Variants in RAP1B observed in about 807,000 individuals in gnomAD.
The protein encoded by RAP1B is RAP1B, member of RAS oncogene family, also known as ras-related protein Rap-1b.
Under a neutral mutation model 27.5 loss-of-function variants are expected in RAP1B, and 1 was observed. That is an observed-to-expected ratio of 0.04 (90% confidence interval 0.01 to 0.17). The LOEUF (loss-of-function observed/expected upper bound fraction) is 0.17, where lower values mean the gene tolerates loss of function less well. RAP1B is among the 10% of genes least tolerant of loss of function. The pLI is 1.00. For missense variants in RAP1B, 84 were observed against 214.8 expected (o/e 0.39, Z 3.81); for synonymous variants, 75 against 73.1 (o/e 1.03, Z -0.13).
At chr12:68,614,085 G>C (rs1870808831) in intron 1 of RAP1B, among the ~76,000 whole-genome samples, 1 of 152,218 alleles carries the variant, frequency 6.6e-6, no homozygotes. Context: ...TCTATGCAAA[G>C]ATTGATAACA....
At chr12:68,636,540 A>G (rs1294410019) in intron 1 of RAP1B, among the ~76,000 whole-genome samples, 1 of 152,064 alleles carries the variant, frequency 6.6e-6, no homozygotes, top group Non-Finnish European at 1.5e-5. Context: ...TGATCCTCCT[A>G]CCTCATTCTT....
chr12:68,665,830 A>G lies in RAP1B; in HGVS notation c.*6581A>G, dbSNP rs998276496. 7 of 151,904 alleles carry G rather than the reference A, an allele frequency of 4.6e-5. No homozygotes were observed. Among genetic ancestry groups the G allele is most frequent in the African/African-American group, 1.7e-4 (7 of 41,410 alleles). 9.4% of individuals were successfully genotyped at this position (151,904 alleles called of 1,614,324 possible). On this transcript the variant is annotated 3_prime_UTR_variant, in exon 8 of 8. Transcript: ENST00000250559. ...TTTCAGAGTCAGTATTGGCAAACTT[A>G]TATTTAAATTCAGCTGTAACAAGAC...
chr12:68,643,883 G>T (rs1873204565), intron 1 of RAP1B, among the ~76,000 whole-genome samples: 1 of 151,868 alleles, frequency 6.6e-6, no homozygotes, highest in South Asian at 2.1e-4. Context: ...AAAAAAATAA[G>T]CAAAAGGAAA....
intron 1 of RAP1B, chr12:68,642,596 T>A: frequency 9.8e-7 from 1 of 1,020,084 alleles, no homozygotes; most frequent in Non-Finnish European, 1.6e-6. Context: ...TTCGTTCAAG[T>A]CCTCAGTGGT....
chr12:68,612,187 G>C (rs1870652196), intron 1 of RAP1B, among the ~76,000 whole-genome samples: 1 of 152,158 alleles, frequency 6.6e-6, no homozygotes, highest in Non-Finnish European at 1.5e-5. Context: ...GGTTTTGCAG[G>C]CAGCATCTCA....
In RAP1B at chr12:68,663,565, G is replaced by A. The variant is rs1458482961; in HGVS notation, c.*4316G>A. On this transcript the variant is annotated 3_prime_UTR_variant, in exon 8 of 8. Coordinates refer to ENST00000250559, the MANE Select transcript of RAP1B (RefSeq NM_001010942.3). The stretch of plus-strand genomic sequence containing the variant: ...ATTAGTTTATCTTTGAAAAGTAAAA[G>A]TAAAGTGCTTATTGCTAAATAGGTC... 1 of 152,170 alleles carries A rather than the reference G, an allele frequency of 6.6e-6. No homozygotes were observed. The allele number at this position is 152,170 out of a possible 1,614,324, so 9.4% of individuals were successfully genotyped here.
chr12:68,625,549 C>G (rs760084484), intron 1 of RAP1B, among the ~76,000 whole-genome samples: 1 of 152,140 alleles, frequency 6.6e-6, no homozygotes, highest in South Asian at 2.1e-4. Context: ...TATTCTGGTC[C>G]TTAAGTTTCA....
rs907840957 is a variant in RAP1B at position 68,626,724 on chromosome 12, G to T, written c.-27+15681G>T. ...GACAGCCCCTAATATTTCTGGTCTC[G>T]GGTAAAGGTCTTAAGGAAGAGGGAA... On this transcript the variant is annotated intron_variant, in intron 1 of 7. Coordinates refer to ENST00000250559, the MANE Select transcript of RAP1B (RefSeq NM_001010942.3). The T allele has an allele frequency of 1.6e-5, 11 of 680,966 alleles. No individual in the cohort carries two copies. The African/African-American group carries it at 1.8e-4, about 11-fold the overall frequency. 42.2% of individuals were successfully genotyped at this position (680,966 alleles called of 1,614,324 possible). A position where few individuals can be genotyped will look rare whatever the true frequency, so the allele number is the denominator to read the frequency against.
rs1225680908 is a variant in RAP1B at position 68,667,684 on chromosome 12, C to G, written c.*8435C>G. ...AACTTACAGTTCCCAGAAGTCAATT[C>G]AGTCATTCTCTATAAGAGCTGTTGT... On this transcript the variant is annotated 3_prime_UTR_variant, in exon 8 of 8. Transcript: ENST00000250559. 1 of 152,204 alleles carries G rather than the reference C, an allele frequency of 6.6e-6. No homozygotes were observed. Among genetic ancestry groups the G allele is most frequent in the Non-Finnish European group, 1.5e-5 (1 of 68,028 alleles). 9.4% of individuals were successfully genotyped at this position (152,204 alleles called of 1,614,324 possible).
intron 1 of RAP1B, among the ~76,000 whole-genome samples, chr12:68,635,646 G>A (rs182710440): frequency 6.6e-6 from 1 of 152,062 alleles, no homozygotes; most frequent in East Asian, 1.9e-4. Context: ...GTAGAGACGG[G>A]GTTTCACCAT....
chr12:68,629,645 T>G (rs191912974), intron 1 of RAP1B, among the ~76,000 whole-genome samples: 5 of 152,338 alleles, frequency 3.3e-5, no homozygotes, highest in African/African-American at 9.6e-5. Context: ...CTTACCTTCT[T>G]GCTGTAGGTT....
intron 1 of RAP1B, 34 bp downstream of exon 1, chr12:68,611,077 G>C (rs1392779347): frequency 4.1e-6 from 1 of 244,442 alleles, no homozygotes; most frequent in African/African-American, 2.4e-5. Context: ...GCTGAGGGAA[G>C]CCGCGGCGGC....
chr12:68,662,590 G>C lies in RAP1B; in HGVS notation c.*3341G>C, dbSNP rs143212513. 97 of 151,628 alleles carry C rather than the reference G, an allele frequency of 6.4e-4. No homozygotes were observed. Among genetic ancestry groups the C allele is most frequent in the African/African-American group, 2.2e-3 (91 of 41,314 alleles). The allele number at this position is 151,628 out of a possible 1,614,324, so 9.4% of individuals were successfully genotyped here. On this transcript the variant is annotated 3_prime_UTR_variant, in exon 8 of 8. Coordinates refer to ENST00000250559, the MANE Select transcript of RAP1B (RefSeq NM_001010942.3). ...TTTTCTTTGAGTTAAACTCTTATCT[G>C]TGTTTTCATTGAATTTAATCTCCAT...
chr12:68,657,045 C>T, intron 6 of RAP1B, 56 bp from the exon 7 acceptor site: 2 of 1,394,736 alleles, frequency 1.4e-6, no homozygotes, highest in Non-Finnish European at 2.0e-6. Context: ...TTACTTTTTT[C>T]ATTGGGGGGG....
rs563765578 is a variant in RAP1B at position 68,657,064 on chromosome 12, TC to T, written c.469-35del. The T allele has an allele frequency of 9.8e-6, 15 of 1,529,316 alleles. No individual in the cohort carries two copies. The East Asian group carries it at 2.7e-4, about 28-fold the overall frequency. 94.7% of individuals were successfully genotyped at this position (1,529,316 alleles called of 1,614,324 possible). ...TTTTTTCATTGGGGGGGATAGGTGT[TC>T]CTCCTGTAAATTAAAACAAATTATT... On this transcript the variant is annotated intron_variant, in intron 6 of 7. Coordinates refer to ENST00000250559, the MANE Select transcript of RAP1B (RefSeq NM_001010942.3).
At chr12:68,652,078 A>AT in intron 4 of RAP1B, 27 bp downstream of exon 4, 1 of 1,549,182 alleles carries the variant, frequency 6.5e-7, no homozygotes, top group African/African-American at 1.4e-5. Flanking sequence ...ACCAAAGTAT[A>AT]TACACCGTTT....
chr12:68,655,153 AT>A (rs200793739), intron 5 of RAP1B, among the ~76,000 whole-genome samples: 23 of 151,354 alleles, frequency 1.5e-4, no homozygotes, highest in African/African-American at 2.7e-4. Context: ...TTTACCAGAA[AT>A]TTAAAAAAAA....
chr12:68,636,684 G>A (rs1872651742), intron 1 of RAP1B, among the ~76,000 whole-genome samples: 1 of 151,948 alleles, frequency 6.6e-6, no homozygotes, highest in African/African-American at 2.4e-5. Context: ...AAAATGCTGG[G>A]ATTGTACAGG....
Position 68,618,394 on chromosome 12 carries a change from A to C in RAP1B, c.-27+7351A>C, listed in dbSNP as rs539088928. Among the ~76,000 whole-genome samples the C allele has an allele frequency of 1.2e-3, 187 of 152,216 alleles. 1 individual carries two copies. Among genetic ancestry groups the C allele is most frequent in the African/African-American group, 4.3e-3 (177 of 41,540 alleles). On this transcript the variant is annotated intron_variant, in intron 1 of 7. Coordinates refer to ENST00000250559, the MANE Select transcript of RAP1B (RefSeq NM_001010942.3). Reference sequence around the variant, plus strand: ...TGAGCCACCTTGCCTGGCCCTATAAAGCTTTTATTCTCCTATGGCATTGCT... The same window carrying C: ...TGAGCCACCTTGCCTGGCCCTATAACGCTTTTATTCTCCTATGGCATTGCT...
Sources: allele counts gnomAD v4.1 joint callset (sites outside exome capture counted in the v4.1 genomes callset), GRCh38; gene constraint gnomAD v4.1.1; transcripts MANE v1.5; gene names NCBI Gene and HGNC (gene_info 2026-07-23, HGNC 2026-07-21).